Variants in TEX36 observed in about 807,000 individuals in gnomAD.
TEX36 encodes the protein testis-expressed protein 36.
A neutral mutation model predicts 13.6 loss-of-function variants in TEX36; 12 were observed. The ratio of observed to expected loss-of-function variants is 0.88; its 90% CI spans 0.56 to 1.43. The LOEUF is 1.43. Among genes scored for constraint, TEX36 ranks in the 40% most tolerant of loss-of-function variants. TEX36 has a pLI of 0.00. For missense variants in TEX36, 224 were observed against 228.3 expected, an observed-to-expected ratio of 0.98 and a Z score of 0.12; for synonymous variants, 93 against 83.0, an observed-to-expected ratio of 1.12 and a Z score of -0.65.
At chr10:125,576,838 C>T (rs1177117768) in exon 4 of TEX36, 5 of 1,535,980 alleles carry the variant, frequency 3.3e-6, no homozygotes, top group African/African-American at 1.4e-5. Context: ...TGTCTCTTGT[C>T]TGGTTCTCCC....
chr10:125,653,634 A>G (rs1846899580), downstream of TEX36, among the ~76,000 whole-genome samples: 1 of 151,980 alleles, frequency 6.6e-6, no homozygotes, highest in African/African-American at 2.4e-5. Context: ...CTTAAAGTAT[A>G]ATAATAATAA....
At chr10:125,637,744 T>G (rs1393466533) in intron 3 of TEX36, among the ~76,000 whole-genome samples, 1 of 152,018 alleles carries the variant, frequency 6.6e-6, no homozygotes, top group African/African-American at 2.4e-5. Context: ...CCCCAGGAGA[T>G]TTGCCAGGCA....
intron 1 of TEX36, among the ~76,000 whole-genome samples, chr10:125,679,549 A>G (rs908650458): frequency 6.6e-6 from 1 of 152,162 alleles, no homozygotes. Context: ...CCATGGCCAG[A>G]GTTACACATT....
At chr10:125,629,128 C>T (rs1846522778) in intron 3 of TEX36, among the ~76,000 whole-genome samples, 1 of 152,148 alleles carries the variant, frequency 6.6e-6, no homozygotes, top group South Asian at 2.1e-4. Context: ...CAGTCAGAGT[C>T]TGATATTTCA....
At chr10:125,609,588 C>A (rs1265003450) in intron 3 of TEX36, among the ~76,000 whole-genome samples, 1 of 152,188 alleles carries the variant, frequency 6.6e-6, no homozygotes, top group Non-Finnish European at 1.5e-5. Flanking sequence ...TTTGGAACTA[C>A]CATATTGAAG....
chr10:125,622,411 A>G (rs1045384682), intron 3 of TEX36, among the ~76,000 whole-genome samples: 6 of 152,232 alleles, frequency 3.9e-5, no homozygotes, highest in Admixed American at 1.3e-4. Context: ...TACTCATGAC[A>G]ATTACAGTCT....
At chr10:125,672,838 G>C (rs1269462646) in intron 1 of TEX36, among the ~76,000 whole-genome samples, 1 of 152,172 alleles carries the variant, frequency 6.6e-6, no homozygotes, top group Non-Finnish European at 1.5e-5. Flanking sequence ...ATTTAGGATA[G>C]TTAGCTCTTC....
At chr10:125,605,082 G>A (rs1185771539) in intron 3 of TEX36, among the ~76,000 whole-genome samples, 1 of 152,190 alleles carries the variant, frequency 6.6e-6, no homozygotes, top group Non-Finnish European at 1.5e-5. Flanking sequence ...CTGGTCCCTG[G>A]TGCCCAAAAG....
intron 3 of TEX36, among the ~76,000 whole-genome samples, chr10:125,599,706 TC>T (rs1441079828): frequency 1.3e-5 from 2 of 152,194 alleles, no homozygotes; most frequent in Non-Finnish European, 2.9e-5. Flanking sequence ...ATGATATCTC[TC>T]CCTTAATATA....
At chr10:125,639,247 C>G (rs1846654947) in intron 3 of TEX36, among the ~76,000 whole-genome samples, 1 of 152,170 alleles carries the variant, frequency 6.6e-6, no homozygotes. Context: ...TCTTCTCACT[C>G]TCATCACAGC....
intron 3 of TEX36, among the ~76,000 whole-genome samples, chr10:125,592,593 A>G (rs914872784): frequency 6.6e-6 from 1 of 152,078 alleles, no homozygotes; most frequent in African/African-American, 2.4e-5. Flanking sequence ...CTGAATAAAA[A>G]ATCCTGTCAT....
intron 3 of TEX36, among the ~76,000 whole-genome samples, chr10:125,656,709 T>C (rs1176599862): frequency 6.6e-6 from 1 of 152,172 alleles, no homozygotes; most frequent in African/African-American, 2.4e-5. Context: ...GGTTCTGTTA[T>C]TGTCCTCACA....
chr10:125,616,705 G>C (rs1433038591), downstream of TEX36, among the ~76,000 whole-genome samples: 2 of 118,092 alleles, frequency 1.7e-5, no homozygotes, highest in African/African-American at 3.3e-5. Context: ...TTACTTCCAA[G>C]TATGTGGTCA....
intron 3 of TEX36, among the ~76,000 whole-genome samples, chr10:125,649,573 C>T (rs890518190): frequency 6.6e-6 from 1 of 152,188 alleles, no homozygotes; most frequent in Non-Finnish European, 1.5e-5. Flanking sequence ...ACCATCAATG[C>T]TAGGAAGAAA....
At chr10:125,614,503 T>C (rs1846332286) in intron 3 of TEX36, among the ~76,000 whole-genome samples, 1 of 151,916 alleles carries the variant, frequency 6.6e-6, no homozygotes, top group African/African-American at 2.4e-5. Context: ...TACATATGGC[T>C]AGCCAGTTTT....
intron 3 of TEX36, among the ~76,000 whole-genome samples, chr10:125,581,417 T>A (rs566474030): frequency 5.3e-5 from 8 of 152,322 alleles, no homozygotes; most frequent in Non-Finnish European, 7.3e-5. Context: ...TCCTCCTGCG[T>A]AACTCGCCCC....
chr10:125,670,544 T>C (rs1471551251), intron 1 of TEX36, among the ~76,000 whole-genome samples: 3 of 152,228 alleles, frequency 2.0e-5, no homozygotes, highest in African/African-American at 4.8e-5. Flanking sequence ...AGGTTGCCTG[T>C]TCATTCTGAT....
intron 3 of TEX36, 79 bp downstream of exon 3, chr10:125,660,942 T>A (rs1332766094): frequency 7.8e-7 from 1 of 1,273,944 alleles, no homozygotes; most frequent in Admixed American, 2.0e-5. Flanking sequence ...GCCAATCCTC[T>A]ATCTTCAACA....
At chr10:125,577,765 C>A (rs994751567) in intron 3 of TEX36, among the ~76,000 whole-genome samples, 1 of 152,274 alleles carries the variant, frequency 6.6e-6, no homozygotes, top group East Asian at 1.9e-4. Context: ...CATGTTATTT[C>A]CTTTGACTCT....
Sources: allele counts gnomAD v4.1 joint callset (sites outside exome capture counted in the v4.1 genomes callset), GRCh38; gene constraint gnomAD v4.1.1; transcripts MANE v1.5; gene names NCBI Gene and HGNC (gene_info 2026-07-23, HGNC 2026-07-21).